The following ACVR1 variants were observed in gnomAD, a reference collection of about 807,000 sequenced individuals.
ACVR1 encodes activin receptor type-1.
In ACVR1, 38 loss-of-function variants were observed where a neutral mutation model predicts 57.1. That is an observed-to-expected ratio of 0.67 (90% CI 0.51 to 0.87). ACVR1 has a LOEUF of 0.87. ACVR1 is among the 40% of genes least tolerant of loss of function. The pLI, the probability that ACVR1 is intolerant of heterozygous loss-of-function variation, is 0.00. For missense variants in ACVR1, 463 were observed against 638.2 expected, an observed-to-expected ratio of 0.73 and a Z score of 2.96; for synonymous variants, 212 against 228.1, an observed-to-expected ratio of 0.93 and a Z score of 0.63.
chr2:157,767,297 G>T, intron 7 of ACVR1, among the ~76,000 whole-genome samples: 1 of 152,122 alleles, frequency 6.6e-6, no homozygotes, highest in East Asian at 1.9e-4. Context: ...GCCTCCCAAA[G>T]TGCTGGGATT....
At chr2:157,781,479 T>C (rs887793432) in intron 3 of ACVR1, among the ~76,000 whole-genome samples, 7 of 152,188 alleles carry the variant, frequency 4.6e-5, no homozygotes, top group Non-Finnish European at 1.0e-4. Flanking sequence ...AAAGTTTACA[T>C]AGATTATAGT....
chr2:157,865,439 T>C (rs906497748), intron 1 of ACVR1, among the ~76,000 whole-genome samples: 8 of 152,210 alleles, frequency 5.3e-5, no homozygotes, highest in Non-Finnish European at 1.2e-4. Flanking sequence ...GATTCAGCAA[T>C]TCCAATCCTT....
intron 8 of ACVR1, among the ~76,000 whole-genome samples, chr2:157,761,901 C>T (rs577073264): frequency 2.6e-5 from 4 of 152,266 alleles, no homozygotes; most frequent in African/African-American, 9.6e-5. Flanking sequence ...AGCAAGCAGT[C>T]CCTGTAAACC....
chr2:157,811,640 C>A (rs1687755442), intron 2 of ACVR1, among the ~76,000 whole-genome samples: 1 of 152,112 alleles, frequency 6.6e-6, no homozygotes, highest in Non-Finnish European at 1.5e-5. Context: ...ATTTCACCCA[C>A]AAATTCTCTG....
At chr2:157,828,532 G>A (rs1688472567) in intron 1 of ACVR1, among the ~76,000 whole-genome samples, 2 of 151,812 alleles carry the variant, frequency 1.3e-5, no homozygotes, top group Admixed American at 1.3e-4. Flanking sequence ...GAGGCAGGAG[G>A]CTTGCTTGAG....
At chr2:157,854,518 C>A in intron 1 of ACVR1, among the ~76,000 whole-genome samples, 1 of 151,742 alleles carries the variant, frequency 6.6e-6, no homozygotes. Context: ...GTCAGGAGAT[C>A]AAGATCATCC....
intron 9 of ACVR1, among the ~76,000 whole-genome samples, chr2:157,743,155 A>G (rs78615308): frequency 0.036 from 5,499 of 152,168 alleles, 134 homozygotes; most frequent in Middle Eastern, 0.078. Context: ...ATCGTGGTCA[A>G]GTTTTATTTC....
At position 157,767,324 on chromosome 2, in the gene ACVR1, G is replaced by A. The variant is rs376438350; in HGVS notation, c.791-1128C>T. Among the ~76,000 whole-genome samples, 7 of 152,248 alleles carry A rather than the reference G, an allele frequency of 4.6e-5. No homozygotes were observed. In the East Asian group the frequency reaches 9.6e-4, roughly 21 times the overall value. On this transcript the variant is annotated intron_variant, in intron 7 of 10. Coordinates refer to ENST00000434821, the MANE Select transcript of ACVR1 (RefSeq NM_001111067.4). ...GCTGGGATTACAAGCGTGAGACATC[G>A]CGATCAGCCCGGAAGAGATTTTTCT... is the stretch of plus-strand genomic sequence containing the variant.
At chr2:157,843,080 G>A (rs181604713) in intron 1 of ACVR1, among the ~76,000 whole-genome samples, 2 of 152,280 alleles carry the variant, frequency 1.3e-5, no homozygotes, top group Admixed American at 1.3e-4. Context: ...TGGAGGTAGA[G>A]GCCTTGAACT....
intron 1 of ACVR1, among the ~76,000 whole-genome samples, chr2:157,843,152 G>GT (rs1380290556): frequency 6.6e-6 from 1 of 152,222 alleles, no homozygotes; most frequent in East Asian, 1.9e-4. Context: ...AAGAAAGTCA[G>GT]TAAGTGTGCT....
At chr2:157,858,177 C>T (rs1689599214) in intron 1 of ACVR1, among the ~76,000 whole-genome samples, 2 of 152,110 alleles carry the variant, frequency 1.3e-5, no homozygotes, top group Admixed American at 6.5e-5. Context: ...GAGCTCTTCT[C>T]TTACTGGGTT....
intron 1 of ACVR1, among the ~76,000 whole-genome samples, chr2:157,835,015 C>T (rs1363257298): frequency 1.3e-5 from 2 of 152,146 alleles, no homozygotes; most frequent in East Asian, 3.8e-4. Context: ...GTAAAATAAA[C>T]GTCGGGTCTT....
chr2:157,807,467 T>C (rs1687589718), intron 2 of ACVR1, among the ~76,000 whole-genome samples: 3 of 152,108 alleles, frequency 2.0e-5, no homozygotes, highest in South Asian at 2.1e-4. Context: ...TTGTTTCAAC[T>C]GCTAGGACTC....
At position 157,747,244 on chromosome 2, in the gene ACVR1, G is replaced by A. The variant is rs926194759; in HGVS notation, c.1265-8674C>T. On this transcript the variant is annotated intron_variant, in intron 9 of 10. Transcript: ENST00000434821. ...AGGCACATCACACCCTAGGGTATGG[G>A]GGATATTGTAAATTAGTACAGCTTT... Among the ~76,000 whole-genome samples, 5 of 152,124 alleles carry A rather than the reference G, an allele frequency of 3.3e-5. No individual in the cohort carries two copies. In the South Asian group the frequency reaches 6.2e-4, roughly 19 times the overall value.
At chr2:157,834,714 A>G (rs1339781893) in intron 1 of ACVR1, among the ~76,000 whole-genome samples, 1 of 152,184 alleles carries the variant, frequency 6.6e-6, no homozygotes, top group African/African-American at 2.4e-5. Flanking sequence ...AATCCATGCT[A>G]TGGTCTAAAT....
intron 5 of ACVR1, among the ~76,000 whole-genome samples, chr2:157,774,615 T>C (rs1479670055): frequency 1.3e-5 from 2 of 152,060 alleles, no homozygotes; most frequent in Admixed American, 6.5e-5. Context: ...CTGCCTGCCT[T>C]GGCCTCCCAA....
intron 1 of ACVR1, among the ~76,000 whole-genome samples, chr2:157,822,974 T>C (rs371244601): frequency 1.3e-5 from 2 of 152,220 alleles, no homozygotes; most frequent in Admixed American, 1.3e-4. Flanking sequence ...ACTTATTTCT[T>C]GCAATACCAA....
At chr2:157,789,632 G>A (rs1686834905) in intron 3 of ACVR1, among the ~76,000 whole-genome samples, 1 of 152,238 alleles carries the variant, frequency 6.6e-6, no homozygotes, top group South Asian at 2.1e-4. Flanking sequence ...TTACTGAGGA[G>A]ATTAAAGTCC....
chr2:157,795,547 T>C (rs1367138741), intron 3 of ACVR1, among the ~76,000 whole-genome samples: 1 of 152,068 alleles, frequency 6.6e-6, no homozygotes, highest in Non-Finnish European at 1.5e-5. Flanking sequence ...AAAACAGCAA[T>C]TGCAATTAAA....
Sources: gnomAD v4.1 joint callset for allele counts (sites outside exome capture counted in the v4.1 genomes callset) on GRCh38, gnomAD v4.1.1 for gene constraint, MANE v1.5 for transcripts, NCBI Gene and HGNC (gene_info 2026-07-23, HGNC 2026-07-21) for gene names.